The following FNDC3B variants were observed in gnomAD, a reference collection of about 807,000 sequenced individuals.
The protein encoded by FNDC3B is fibronectin type III domain-containing protein 3B.
In FNDC3B, 12 loss-of-function variants were observed where a neutral mutation model predicts 151.5. The ratio of observed to expected loss-of-function variants is 0.08; its 90% CI spans 0.05 to 0.13. FNDC3B has a LOEUF of 0.13. Ranked by LOEUF, FNDC3B falls within the 10% of genes least tolerant of loss-of-function variation. FNDC3B has a pLI of 1.00. For missense variants in FNDC3B, 1,214 were observed against 1,505.3 expected (o/e 0.81, Z 3.20); for synonymous variants, 528 against 549.0 (o/e 0.96, Z 0.54).
chr3:172,210,328 G>C (rs1725672047), intron 3 of FNDC3B, among the ~76,000 whole-genome samples: 1 of 152,072 alleles, frequency 6.6e-6, no homozygotes, highest in African/African-American at 2.4e-5. Flanking sequence ...TAAGAGTTCT[G>C]CATTTTTCCT....
At chr3:172,394,022 G>T (rs1736146430) in intron 25 of FNDC3B, among the ~76,000 whole-genome samples, 1 of 142,948 alleles carries the variant, frequency 7.0e-6, no homozygotes, top group African/African-American at 2.6e-5. Flanking sequence ...GCAGGAGAAT[G>T]GTGTGAACCC....
At chr3:172,378,536 C>A in intron 24 of FNDC3B, 100 bp downstream of exon 24, 2 of 1,062,322 alleles carry the variant, frequency 1.9e-6, no homozygotes, top group Non-Finnish European at 2.6e-6. Flanking sequence ...ATAATGTCAG[C>A]AAGATAGAAT....
intron 3 of FNDC3B, among the ~76,000 whole-genome samples, chr3:172,222,229 C>T (rs1249756468): frequency 2.0e-5 from 3 of 152,116 alleles, no homozygotes; most frequent in African/African-American, 2.4e-5. Context: ...AATTCATTAT[C>T]AGATTATAGA....
At chr3:172,325,190 G>C (rs774539085) in intron 11 of FNDC3B, among the ~76,000 whole-genome samples, 6 of 152,214 alleles carry the variant, frequency 3.9e-5, no homozygotes, top group Non-Finnish European at 8.8e-5. Context: ...TATTTTAGTA[G>C]GGAACTTTGA....
intron 7 of FNDC3B, among the ~76,000 whole-genome samples, chr3:172,289,575 C>A (rs534595217): frequency 6.6e-6 from 1 of 152,172 alleles, no homozygotes; most frequent in South Asian, 2.1e-4. Context: ...CTCTTCGTAC[C>A]ACTTTTCTCT....
At chr3:172,056,384 T>G (rs950712702) in intron 1 of FNDC3B, among the ~76,000 whole-genome samples, 4 of 152,246 alleles carry the variant, frequency 2.6e-5, no homozygotes, top group African/African-American at 9.6e-5. Flanking sequence ...GAAACATTTT[T>G]AAGGACACTA....
intron 8 of FNDC3B, among the ~76,000 whole-genome samples, chr3:172,297,121 C>G (rs1438524783): frequency 6.6e-6 from 1 of 152,044 alleles, no homozygotes; most frequent in Non-Finnish European, 1.5e-5. Context: ...TTGATTGTTG[C>G]TAAAATTTGC....
intron 4 of FNDC3B, among the ~76,000 whole-genome samples, chr3:172,244,130 A>G (rs1727646799): frequency 6.6e-6 from 1 of 152,142 alleles, no homozygotes; most frequent in Non-Finnish European, 1.5e-5. Flanking sequence ...ACTGTTGAGC[A>G]CTTATTTTTT....
intron 25 of FNDC3B, among the ~76,000 whole-genome samples, chr3:172,384,526 G>A (rs1735607974): frequency 6.6e-6 from 1 of 152,116 alleles, no homozygotes; most frequent in African/African-American, 2.4e-5. Context: ...ATCATTTGAC[G>A]CTTAATAATA....
chr3:172,039,959 C>T (rs2108443772), intron 1 of FNDC3B, among the ~76,000 whole-genome samples, 188 bp downstream of exon 1: 1 of 152,308 alleles, frequency 6.6e-6, no homozygotes, highest in South Asian at 2.1e-4. Context: ...CTCGCCTGGG[C>T]ACCCCGGGAA....
chr3:172,165,516 C>T (rs1357209973), intron 3 of FNDC3B, among the ~76,000 whole-genome samples: 8 of 152,138 alleles, frequency 5.3e-5, no homozygotes, highest in East Asian at 3.9e-4. Context: ...ATGTTTTATA[C>T]CAAAATATAG....
chr3:172,071,108 C>CT (rs1430749945), intron 1 of FNDC3B, among the ~76,000 whole-genome samples: 1 of 152,038 alleles, frequency 6.6e-6, no homozygotes, highest in African/African-American at 2.4e-5. Flanking sequence ...AAAAATTAGT[C>CT]TATTTTTCAG....
chr3:172,081,613 C>A (rs1372650930), intron 1 of FNDC3B, among the ~76,000 whole-genome samples: 1 of 152,110 alleles, frequency 6.6e-6, no homozygotes, highest in Non-Finnish European at 1.5e-5. Flanking sequence ...GAAAAGTTTT[C>A]TTTTTCCTTA....
At chr3:172,152,663 A>G (rs1722292664) in intron 3 of FNDC3B, among the ~76,000 whole-genome samples, 1 of 146,208 alleles carries the variant, frequency 6.8e-6, no homozygotes, top group South Asian at 2.2e-4. Context: ...CCTTCCCCTG[A>G]TAGCAGAGGG....
At chr3:172,267,563 A>G (rs1381289583) in intron 6 of FNDC3B, among the ~76,000 whole-genome samples, 1 of 152,246 alleles carries the variant, frequency 6.6e-6, no homozygotes, top group Non-Finnish European at 1.5e-5. Flanking sequence ...GTGTATTCAC[A>G]TGTAAAATGG....
intron 1 of FNDC3B, among the ~76,000 whole-genome samples, chr3:172,067,540 C>A (rs1717557114): frequency 6.6e-6 from 1 of 152,046 alleles, no homozygotes; most frequent in African/African-American, 2.4e-5. Flanking sequence ...AGTACACTTT[C>A]TTAGTGTTTT....
At chr3:172,067,573 AC>A (rs766276349) in intron 1 of FNDC3B, among the ~76,000 whole-genome samples, 3 of 152,232 alleles carry the variant, frequency 2.0e-5, no homozygotes, top group Non-Finnish European at 4.4e-5. Flanking sequence ...AAAGATAATT[AC>A]CGTGAGTCAT....
Position 172,251,412 on chromosome 3 carries a change from G to A in FNDC3B, c.661G>A (p.Val221Ile). ...SSIYKSSCTT[V>I]YNGYGKGHSG... ...TATCTACAAAAGCAGCTGCACAACA[G>A]TATACAATGGCTATGGGAAGGGCCA... The change falls in exon 6 of 26, where the codon GTA (valine) becomes ATA (isoleucine). Residue 221 changes from valine to isoleucine, a missense_variant. Coordinates refer to ENST00000415807, the MANE Select transcript of FNDC3B (RefSeq NM_022763.4). 1.2e-6 allele frequency: 2 copies of A among 1,614,090 alleles called. No individual in the cohort carries two copies. Among genetic ancestry groups the A allele is most frequent in the Non-Finnish European group, 1.7e-6 (2 of 1,180,006 alleles).
At chr3:172,372,229 C>T (rs888133211) in intron 23 of FNDC3B, among the ~76,000 whole-genome samples, 6 of 152,192 alleles carry the variant, frequency 3.9e-5, no homozygotes, top group African/African-American at 1.4e-4. Context: ...CTGTGCTTGT[C>T]CTCTTCTTGG....
Sources: allele counts gnomAD v4.1 joint callset (sites outside exome capture counted in the v4.1 genomes callset), GRCh38; gene constraint gnomAD v4.1.1; transcripts MANE v1.5; gene names NCBI Gene and HGNC (gene_info 2026-07-23, HGNC 2026-07-21).